Variants in NKAIN3 observed in about 807,000 individuals in gnomAD.
NKAIN3 encodes the protein sodium/potassium transporting ATPase interacting 3.
A neutral mutation model predicts 30.2 loss-of-function variants in NKAIN3; 25 were observed. The ratio of observed to expected loss-of-function variants is 0.83; its 90% CI spans 0.60 to 1.16. NKAIN3 has a LOEUF of 1.16. NKAIN3 is among the 50% of genes most tolerant of loss of function. The probability of loss-of-function intolerance (pLI) is 0.00; values close to 1 mark genes in which losing one functional copy is unlikely to be tolerated. For synonymous variants in NKAIN3, 91 were observed against 89.6 expected, an observed-to-expected ratio of 1.02 and a Z score of -0.09; for missense variants, 225 against 254.1, an observed-to-expected ratio of 0.89 and a Z score of 0.78.
At chr8:62,394,642 G>A (rs79120465) in intron 1 of NKAIN3, among the ~76,000 whole-genome samples, 184 of 38,084 alleles carry the variant, frequency 4.8e-3, no homozygotes, top group East Asian at 0.023. Flanking sequence ...AGACAGAGGT[G>A]CTCCTCACTT....
At chr8:62,309,991 T>C (rs1052195418) in intron 1 of NKAIN3, among the ~76,000 whole-genome samples, 3 of 150,390 alleles carry the variant, frequency 2.0e-5, no homozygotes, top group Non-Finnish European at 2.9e-5. Flanking sequence ...CTGATACACA[T>C]AGAAAAATTC....
At chr8:62,632,268 C>T (rs1414036406) in intron 3 of NKAIN3, among the ~76,000 whole-genome samples, 1 of 152,066 alleles carries the variant, frequency 6.6e-6, no homozygotes, top group Non-Finnish European at 1.5e-5. Flanking sequence ...ATATAATCTG[C>T]TAATATGAAA....
At chr8:62,811,413 A>G (rs1229694927) in intron 4 of NKAIN3, among the ~76,000 whole-genome samples, 1 of 152,062 alleles carries the variant, frequency 6.6e-6, no homozygotes, top group Admixed American at 6.6e-5. Context: ...ATACTATGGT[A>G]TTTGCATATT....
intron 4 of NKAIN3, among the ~76,000 whole-genome samples, chr8:62,813,778 T>C (rs1305395131): frequency 3.3e-5 from 5 of 152,008 alleles, no homozygotes; most frequent in African/African-American, 1.2e-4. Flanking sequence ...TTCATGAGAG[T>C]AGACAATGTA....
intron 1 of NKAIN3, among the ~76,000 whole-genome samples, chr8:62,537,003 T>A (rs1424729618): frequency 1.3e-5 from 2 of 152,004 alleles, no homozygotes; most frequent in African/African-American, 2.4e-5. Flanking sequence ...CAGGCAGACA[T>A]GGCAACACAC....
intron 3 of NKAIN3, among the ~76,000 whole-genome samples, chr8:62,650,209 T>A (rs1253997001): frequency 6.6e-6 from 1 of 152,188 alleles, no homozygotes; most frequent in Non-Finnish European, 1.5e-5. Context: ...AAATCTGTCA[T>A]CACAGTCTCA....
rs116446520 is a variant in NKAIN3 at position 62,908,440 on chromosome 8, G to T, written c.472-10013G>T. Among the ~76,000 whole-genome samples, 602 of 152,206 alleles carry T rather than the reference G, an allele frequency of 4.0e-3. 4 individuals carry two copies. The highest frequency in any genetic ancestry group is 0.014 in the African/African-American group (574 of 41,544). ...TTTGAAATGTGAGGACATGAGATTT[G>T]GTAGGGGCCAGGAGTGGAATGTTAT... is the stretch of plus-strand genomic sequence containing the variant. On this transcript the variant is annotated intron_variant, in intron 4 of 6. Coordinates refer to ENST00000623646, the MANE Select transcript of NKAIN3 (RefSeq NM_001304533.3).
chr8:62,594,408 C>T (rs1810757634), intron 3 of NKAIN3, among the ~76,000 whole-genome samples: 1 of 152,044 alleles, frequency 6.6e-6, no homozygotes, highest in African/African-American at 2.4e-5. Context: ...TTTGTCACCA[C>T]CTGATCTTCC....
At chr8:62,491,141 A>G (rs13256046) in intron 1 of NKAIN3, among the ~76,000 whole-genome samples, 15,281 of 152,180 alleles carry the variant, frequency 0.1, 818 homozygotes, top group East Asian at 0.13. Flanking sequence ...ACCCAGAAAA[A>G]CTATCACATC....
At chr8:62,373,429 ACACCAATATTTTTGGATACCTTTATTCT>A (rs2129593462) in intron 1 of NKAIN3, among the ~76,000 whole-genome samples, 1 of 152,310 alleles carries the variant, frequency 6.6e-6, no homozygotes, top group African/African-American at 2.4e-5. Flanking sequence ...TCCTGACTAC[ACACCAATATTTTTGGATACCTTTATTCT>A]CACTGAGAGA....
At chr8:62,790,583 G>GTC (rs34876852) in intron 4 of NKAIN3, among the ~76,000 whole-genome samples, 26,014 of 147,988 alleles carry the variant, frequency 0.18, 2,390 homozygotes, top group East Asian at 0.29. Context: ...CTGTCTGTCT[G>GTC]TGTGTGTGTG....
At chr8:62,516,431 A>T (rs2129761681) in intron 1 of NKAIN3, among the ~76,000 whole-genome samples, 1 of 152,174 alleles carries the variant, frequency 6.6e-6, no homozygotes, top group South Asian at 2.1e-4. Context: ...CAGGACCTTA[A>T]TATGTGTGTT....
rs923335517 is a variant in NKAIN3, at chr8:62,978,886, C to T, written c.*13479C>T. ...CTCCTTGTCTGTGGATTGCGAAGACCATGGGAAAAGCGTAGTATCTGGACC... is the reference window on the plus strand; with the variant it reads ...CTCCTTGTCTGTGGATTGCGAAGACTATGGGAAAAGCGTAGTATCTGGACC... On this transcript the variant is annotated 3_prime_UTR_variant, in exon 7 of 7. Coordinates refer to ENST00000623646, the MANE Select transcript of NKAIN3 (RefSeq NM_001304533.3). The T allele has an allele frequency of 1.3e-5, 2 of 154,254 alleles. No homozygotes were observed. Among genetic ancestry groups the T allele is most frequent in the African/African-American group, 4.8e-5 (2 of 41,480 alleles). 9.6% of individuals were successfully genotyped at this position (154,254 alleles called of 1,614,324 possible). A position where few individuals can be genotyped will look rare whatever the true frequency, so the allele number is the denominator to read the frequency against.
chr8:62,583,420 T>G (rs1440272522), intron 2 of NKAIN3, among the ~76,000 whole-genome samples: 7 of 152,212 alleles, frequency 4.6e-5, no homozygotes, highest in Admixed American at 4.6e-4. Flanking sequence ...TCTCTCATTT[T>G]ATTTGCTATC....
intron 3 of NKAIN3, among the ~76,000 whole-genome samples, chr8:62,596,527 G>T (rs1810841317): frequency 6.6e-6 from 1 of 152,006 alleles, no homozygotes; most frequent in Non-Finnish European, 1.5e-5. Flanking sequence ...CCATATTGCT[G>T]CATGGGCATG....
At chr8:62,521,546 TC>T (rs2129787385) in intron 1 of NKAIN3, among the ~76,000 whole-genome samples, 1 of 152,190 alleles carries the variant, frequency 6.6e-6, no homozygotes, top group African/African-American at 2.4e-5. Context: ...AATGCTGAGA[TC>T]AAGGACACAT....
intron 3 of NKAIN3, among the ~76,000 whole-genome samples, chr8:62,645,730 G>T (rs1812440507): frequency 6.6e-6 from 1 of 151,968 alleles, no homozygotes. Context: ...CTTTGTTTTG[G>T]GCATTTAAAC....
intron 1 of NKAIN3, among the ~76,000 whole-genome samples, chr8:62,508,989 C>T (rs900555020): frequency 6.6e-6 from 1 of 152,146 alleles, no homozygotes; most frequent in African/African-American, 2.4e-5. Context: ...ATGGTTTCCC[C>T]AGTATGCATG....
intron 1 of NKAIN3, among the ~76,000 whole-genome samples, chr8:62,300,127 A>G (rs1813993523): frequency 6.6e-6 from 1 of 152,086 alleles, no homozygotes; most frequent in Non-Finnish European, 1.5e-5. Flanking sequence ...CCTTAGCTGC[A>G]TACAGGTTTG....
Sources: allele counts gnomAD v4.1 joint callset (sites outside exome capture counted in the v4.1 genomes callset), GRCh38; gene constraint gnomAD v4.1.1; transcripts MANE v1.5; gene names NCBI Gene and HGNC (gene_info 2026-07-23, HGNC 2026-07-21).